Variants in SGK1 observed in about 807,000 individuals in gnomAD.
SGK1 encodes the protein serine/threonine-protein kinase Sgk1.
A neutral mutation model predicts 64.2 loss-of-function variants in SGK1; 26 were observed. The observed-to-expected ratio is 0.40, with a 90% CI of 0.30 to 0.56. The LOEUF is 0.56. Among genes scored for constraint, SGK1 ranks in the 20% least tolerant of loss-of-function variants. The probability of loss-of-function intolerance (pLI) is 0.38; values close to 1 mark genes in which losing one functional copy is unlikely to be tolerated. For synonymous variants in SGK1, 265 were observed against 239.7 expected (o/e 1.11, Z -0.98); for missense variants, 519 against 645.6 (o/e 0.80, Z 2.12).
intron 1 of SGK1, among the ~76,000 whole-genome samples, chr6:134,311,786 G>A (rs184057645): frequency 2.2e-4 from 33 of 152,298 alleles, no homozygotes; most frequent in African/African-American, 7.9e-4. Flanking sequence ...AAACAGCTTA[G>A]ATTTTAGCCA....
At position 134,170,867 on chromosome 6, in the gene SGK1, G is replaced by T; in HGVS notation, c.1372C>A (p.Leu458Ile). 1 of 1,611,474 alleles carries T rather than the reference G, an allele frequency of 6.2e-7. No individual in the cohort carries two copies. Among genetic ancestry groups the T allele is most frequent in the Non-Finnish European group, 8.5e-7 (1 of 1,177,618 alleles). ...VFFSLINWDD[L>I]INKKITPPFN... The stretch of plus-strand genomic sequence containing the variant: ...GGGGGAGTAATCTTCTTATTAATGA[G>T]ATCATCCCAGTTAATTAAGGAGAAG... The change falls in exon 13 of 14, where the codon CTC becomes ATC. Residue 458 changes from leucine to isoleucine, a missense_variant. Transcript: ENST00000367858.
At position 134,317,566 on chromosome 6, in the gene SGK1, A is replaced by G. The variant is rs906610522; in HGVS notation, c.-106T>C. On this transcript the variant is annotated 5_prime_UTR_variant, in exon 1 of 14. Transcript: ENST00000367858. ...TCCTGCAGACAGTTAATGAAGACTG[A>G]GCGGGATGGAGAATCTAGCGGGGCT... 1.6e-5 allele frequency: 12 copies of G among 768,258 alleles called. No homozygotes were observed. The Admixed American group carries it at 2.2e-4, about 14-fold the overall frequency. The allele number at this position is 768,258 out of a possible 1,614,324, so 47.6% of individuals were successfully genotyped here. A position where few individuals can be genotyped will look rare whatever the true frequency, so the allele number is the denominator to read the frequency against.
intron 1 of SGK1, among the ~76,000 whole-genome samples, chr6:134,293,354 A>T (rs1180949354): frequency 6.6e-6 from 1 of 152,186 alleles, no homozygotes; most frequent in African/African-American, 2.4e-5. Context: ...CAAATGAGAG[A>T]GTTAGATCAG....
At chr6:134,283,906 A>C (rs1254815407) in intron 1 of SGK1, among the ~76,000 whole-genome samples, 1 of 114,622 alleles carries the variant, frequency 8.7e-6, no homozygotes, top group Non-Finnish European at 1.8e-5. Flanking sequence ...AAAAAAAAAA[A>C]GCCTGACCAA....
chr6:134,178,598 C>CT (rs1775284536), intron 3 of SGK1, among the ~76,000 whole-genome samples: 1 of 152,206 alleles, frequency 6.6e-6, no homozygotes, highest in Non-Finnish European at 1.5e-5. Context: ...CTCATACTCC[C>CT]TGGTGGCGAA....
intron 3 of SGK1, among the ~76,000 whole-genome samples, chr6:134,175,132 A>C (rs950536579): frequency 6.6e-6 from 1 of 152,038 alleles, no homozygotes; most frequent in Non-Finnish European, 1.5e-5. Context: ...GAGAGAGAGA[A>C]CGCGCCGGCG....
chr6:134,317,640 TC>T lies in SGK1; in HGVS notation c.-181del. ...CAGCACCAGCTACTGCAGCAACCTC[TC>T]CCCACTTTCAGTTGCCACCGACAGC... On this transcript the variant is annotated 5_prime_UTR_variant, in exon 1 of 14. An upstream open reading frame in the 5' UTR loses its in-frame stop. Coordinates refer to ENST00000367858, the MANE Select transcript of SGK1 (RefSeq NM_001143676.3). The T allele has an allele frequency of 1.6e-6, 1 of 608,178 alleles. No individual in the cohort carries two copies. The highest frequency in any genetic ancestry group is 3.0e-6 in the Non-Finnish European group (1 of 338,142). The allele number at this position is 608,178 out of a possible 1,614,324, so 37.7% of individuals were successfully genotyped here.
chr6:134,199,756 AT>A (rs1304211467), intron 3 of SGK1, among the ~76,000 whole-genome samples: 1 of 152,076 alleles, frequency 6.6e-6, no homozygotes, highest in African/African-American at 2.4e-5. Context: ...TACAGTAATG[AT>A]TCTTGCTCTT....
chr6:134,265,480 CAAACAAAA>C (rs927858235), intron 1 of SGK1, among the ~76,000 whole-genome samples: 3 of 147,488 alleles, frequency 2.0e-5, no homozygotes, highest in African/African-American at 7.4e-5. Context: ...AACAAACAAA[CAAACAAAA>C]AAAATATATA....
At chr6:134,241,574 GTC>G (rs1431093327) in intron 2 of SGK1, among the ~76,000 whole-genome samples, 1 of 152,042 alleles carries the variant, frequency 6.6e-6, no homozygotes, top group Non-Finnish European at 1.5e-5. Flanking sequence ...GCTCTACGAA[GTC>G]TGTCTTCCTA....
At chr6:134,211,702 G>A (rs951238764) in intron 2 of SGK1, among the ~76,000 whole-genome samples, 2 of 151,796 alleles carry the variant, frequency 1.3e-5, no homozygotes, top group East Asian at 3.9e-4. Context: ...AAAGAAAGAA[G>A]AAGAACAAGA....
At chr6:134,206,383 A>ATTTTTTTTTT (rs869072819) in intron 3 of SGK1, among the ~76,000 whole-genome samples, 26 of 16,602 alleles carry the variant, frequency 1.6e-3, no homozygotes, top group Admixed American at 6.1e-3. Context: ...ATATATATAT[A>ATTTTTTTTTT]TTTTTTTTTT....
chr6:134,298,350 G>C, intron 1 of SGK1: 1 of 1,555,088 alleles, frequency 6.4e-7, no homozygotes, highest in Non-Finnish European at 8.8e-7. Flanking sequence ...CTAGCATCTT[G>C]TTCTGCTGCT....
At chr6:134,269,835 A>C (rs1454685898) in intron 1 of SGK1, among the ~76,000 whole-genome samples, 1 of 148,126 alleles carries the variant, frequency 6.8e-6, no homozygotes, top group African/African-American at 2.4e-5. Context: ...TGTCTCCTAA[A>C]ATATAACAGT....
At chr6:134,275,636 G>T (rs1458679217) in intron 1 of SGK1, among the ~76,000 whole-genome samples, 4 of 152,036 alleles carry the variant, frequency 2.6e-5, no homozygotes, top group African/African-American at 9.7e-5. Flanking sequence ...ACCACTAATG[G>T]GTGCCACACA....
intron 1 of SGK1, among the ~76,000 whole-genome samples, chr6:134,279,289 G>T (rs540806977): frequency 2.6e-5 from 4 of 152,016 alleles, no homozygotes; most frequent in Non-Finnish European, 5.9e-5. Flanking sequence ...AAAATTAGCT[G>T]GACGTGGTGG....
At chr6:134,236,641 A>T (rs1743942) in intron 2 of SGK1, among the ~76,000 whole-genome samples, 1 of 151,608 alleles carries the variant, frequency 6.6e-6, no homozygotes, top group Non-Finnish European at 1.5e-5. Flanking sequence ...ATAAATAAGT[A>T]AATAATGAAT....
At chr6:134,259,051 A>C (rs972217831) in intron 2 of SGK1, among the ~76,000 whole-genome samples, 3 of 152,230 alleles carry the variant, frequency 2.0e-5, no homozygotes, top group African/African-American at 7.2e-5. Context: ...GGAAAAAGCC[A>C]GCAAAGTCTG....
intron 1 of SGK1, among the ~76,000 whole-genome samples, chr6:134,275,738 G>T (rs1297791794): frequency 1.3e-5 from 2 of 152,074 alleles, no homozygotes; most frequent in Non-Finnish European, 2.9e-5. Context: ...CTTCTATTGT[G>T]CCCGGAATGC....
Sources: allele counts gnomAD v4.1 joint callset (sites outside exome capture counted in the v4.1 genomes callset), GRCh38; gene constraint gnomAD v4.1.1; transcripts MANE v1.5; gene names NCBI Gene and HGNC (gene_info 2026-07-23, HGNC 2026-07-21).